The following CEP63 variants were observed in gnomAD, a reference collection of about 807,000 sequenced individuals.
The protein encoded by CEP63 is centrosomal protein 63, also known as centrosomal protein of 63 kDa.
Under a neutral mutation model 89.1 loss-of-function variants are expected in CEP63, and 84 were observed. The ratio of observed to expected loss-of-function variants is 0.94; its 90% CI spans 0.79 to 1.13. CEP63 has a LOEUF of 1.13. CEP63 is among the 50% of genes most tolerant of loss of function. CEP63 has a pLI of 0.00. For missense variants in CEP63, 838 were observed against 813.3 expected (o/e 1.03, Z -0.37); for synonymous variants, 267 against 272.5 (o/e 0.98, Z 0.20).
chr3:134,608,150 T>A, the CEP63 span: 1 of 1,141,148 alleles, frequency 8.8e-7, no homozygotes, highest in African/African-American at 1.6e-5. Context: ...AGATTCCAGC[T>A]CTGCTGAGGC....
At chr3:134,544,723 TC>T (rs34647496) in intron 6 of CEP63, among the ~76,000 whole-genome samples, 2 of 152,150 alleles carry the variant, frequency 1.3e-5, no homozygotes, top group African/African-American at 4.8e-5. Flanking sequence ...GCATTATAGT[TC>T]CTATTTCCTA....
chr3:134,505,399 GT>G (rs1289976615), intron 2 of CEP63, among the ~76,000 whole-genome samples: 1 of 152,154 alleles, frequency 6.6e-6, no homozygotes, highest in Non-Finnish European at 1.5e-5. Flanking sequence ...GTTTCTGTGA[GT>G]TTTTCAGTGA....
At chr3:134,760,921 C>G in the CEP63 span, among the ~76,000 whole-genome samples, 32 of 152,164 alleles carry the variant, frequency 2.1e-4, no homozygotes, top group Admixed American at 4.6e-4. Flanking sequence ...AGCACTTCCC[C>G]TGACCTCCCC....
the CEP63 span, among the ~76,000 whole-genome samples, chr3:134,633,620 A>G: frequency 1.3e-5 from 2 of 152,114 alleles, no homozygotes; most frequent in African/African-American, 2.4e-5. Context: ...GAAAAAGGAA[A>G]CCTACAAAAA....
the CEP63 span, among the ~76,000 whole-genome samples, chr3:134,593,192 C>A: frequency 1.3e-5 from 2 of 152,256 alleles, no homozygotes; most frequent in East Asian, 3.9e-4. Context: ...GTGATTGCCA[C>A]AATTTTATGA....
intron 1 of CEP63, among the ~76,000 whole-genome samples, chr3:134,493,878 C>G (rs1938636432): frequency 6.6e-6 from 1 of 152,012 alleles, no homozygotes; most frequent in Admixed American, 6.6e-5. Flanking sequence ...AGGATTAGCC[C>G]AGGGGCAGAA....
chr3:134,550,764 A>G (rs1954649690), intron 11 of CEP63, among the ~76,000 whole-genome samples: 1 of 152,218 alleles, frequency 6.6e-6, no homozygotes, highest in African/African-American at 2.4e-5. Flanking sequence ...CCTTGAGGTC[A>G]GTAGGGAATG....
the CEP63 span, among the ~76,000 whole-genome samples, chr3:134,666,489 C>G: frequency 6.6e-6 from 1 of 152,220 alleles, no homozygotes; most frequent in Admixed American, 6.5e-5. Flanking sequence ...TCTCCCCAGA[C>G]TGTGGAGCCC....
intron 6 of CEP63, among the ~76,000 whole-genome samples, chr3:134,541,696 A>G (rs1253792496): frequency 6.6e-6 from 1 of 151,696 alleles, no homozygotes; most frequent in Non-Finnish European, 1.5e-5. Context: ...TGTTTTTAGT[A>G]GAGATGGGGT....
chr3:134,775,234 T>C, the CEP63 span, among the ~76,000 whole-genome samples: 2 of 152,138 alleles, frequency 1.3e-5, no homozygotes, highest in African/African-American at 4.8e-5. Context: ...AGTGGAATAG[T>C]GTCCTCAGGG....
the CEP63 span, among the ~76,000 whole-genome samples, chr3:134,740,083 G>A: frequency 1.3e-5 from 2 of 152,002 alleles, no homozygotes; most frequent in African/African-American, 2.4e-5. Context: ...AGTAGAACAC[G>A]GAGTATCTGA....
At chr3:134,554,780 C>T (rs1955783964) in intron 12 of CEP63, among the ~76,000 whole-genome samples, 4 of 152,182 alleles carry the variant, frequency 2.6e-5, no homozygotes, top group Admixed American at 6.5e-5. Context: ...GCCATTCTAA[C>T]TGGTGTGAGA....
At chr3:134,754,178 G>C in the CEP63 span, among the ~76,000 whole-genome samples, 1,380 of 152,286 alleles carry the variant, frequency 9.1e-3, 17 homozygotes, top group African/African-American at 0.03. Flanking sequence ...CACACACGGT[G>C]ATGGGGCTAC....
chr3:134,494,849 CA>C (rs1172374330), intron 1 of CEP63, among the ~76,000 whole-genome samples: 6 of 152,160 alleles, frequency 3.9e-5, no homozygotes, highest in Non-Finnish European at 5.9e-5. Flanking sequence ...CATGATAGAC[CA>C]AAGAGTTTAA....
the CEP63 span, among the ~76,000 whole-genome samples, chr3:134,616,641 CA>C: frequency 3.2e-3 from 486 of 152,216 alleles, 4 homozygotes; most frequent in African/African-American, 0.011. Context: ...TTAAATGATG[CA>C]AAATGTTAGG....
chr3:134,739,227 G>A, the CEP63 span, among the ~76,000 whole-genome samples: 1 of 152,124 alleles, frequency 6.6e-6, no homozygotes, highest in African/African-American at 2.4e-5. Flanking sequence ...GCCTAAAGTG[G>A]AAACAACCCA....
At chr3:134,589,831 A>C (rs758939981), downstream of CEP63, among the ~76,000 whole-genome samples, 1 of 152,218 alleles carries the variant, frequency 6.6e-6, no homozygotes, top group African/African-American at 2.4e-5. Flanking sequence ...ACAATAGCAA[A>C]GGCATGGAAT....
At chr3:134,629,796 C>A in the CEP63 span, 51,122 of 747,036 alleles carry the variant, frequency 0.068, 2,443 homozygotes, top group South Asian at 0.18. Flanking sequence ...AGTTTTAGAA[C>A]TTTCTTTTGT....
chr3:134,658,058 G>A, the CEP63 span, among the ~76,000 whole-genome samples: 3 of 151,966 alleles, frequency 2.0e-5, no homozygotes, highest in African/African-American at 4.8e-5. Context: ...CACCACGCCC[G>A]GCTAATTTTT....
Sources: allele counts gnomAD v4.1 joint callset (sites outside exome capture counted in the v4.1 genomes callset), GRCh38; gene constraint gnomAD v4.1.1; transcripts MANE v1.5; gene names NCBI Gene and HGNC (gene_info 2026-07-23, HGNC 2026-07-21).